Variants in RALGPS2 observed in about 807,000 individuals in gnomAD.
The protein encoded by RALGPS2 is ras-specific guanine nucleotide-releasing factor RalGPS2.
RALGPS2 carries 43 observed loss-of-function variants against 86.8 expected under a neutral mutation model. The ratio of observed to expected loss-of-function variants is 0.50; its 90% CI spans 0.39 to 0.64. The LOEUF (loss-of-function observed/expected upper bound fraction) is 0.64, where lower values mean the gene tolerates loss of function less well. Among genes scored for constraint, RALGPS2 ranks in the 30% least tolerant of loss-of-function variants. The probability of loss-of-function intolerance (pLI) is 0.00; values close to 1 mark genes in which losing one functional copy is unlikely to be tolerated. For synonymous variants in RALGPS2, 243 were observed against 231.3 expected (o/e 1.05, Z -0.46); for missense variants, 536 against 694.6 (o/e 0.77, Z 2.57).
intron 8 of RALGPS2, among the ~76,000 whole-genome samples, chr1:178,852,380 T>C (rs1324828118): frequency 6.6e-6 from 1 of 152,216 alleles, no homozygotes; most frequent in Non-Finnish European, 1.5e-5. Context: ...TGGCACGTGG[T>C]AGGTGTTCAG....
intron 4 of RALGPS2, among the ~76,000 whole-genome samples, chr1:178,793,893 T>G (rs1376004649): frequency 1.3e-5 from 2 of 152,152 alleles, no homozygotes; most frequent in East Asian, 3.9e-4. Flanking sequence ...TTAGGCTATA[T>G]TTTCAGGTTT....
chr1:178,827,814 T>C (rs1379153528), intron 7 of RALGPS2, among the ~76,000 whole-genome samples: 1 of 152,106 alleles, frequency 6.6e-6, no homozygotes, highest in African/African-American at 2.4e-5. Flanking sequence ...AATACACACA[T>C]TTACAGTCAA....
chr1:178,758,362 T>G (rs1004717785), intron 1 of RALGPS2, among the ~76,000 whole-genome samples: 8 of 152,172 alleles, frequency 5.3e-5, no homozygotes, highest in African/African-American at 2.4e-5. Flanking sequence ...AAATGGGTTA[T>G]TCATCCCCTC....
intron 2 of RALGPS2, among the ~76,000 whole-genome samples, chr1:178,783,092 C>A (rs1399382131): frequency 6.6e-6 from 1 of 152,006 alleles, no homozygotes; most frequent in African/African-American, 2.4e-5. Flanking sequence ...ATGCCAAAGT[C>A]TCTAATGAAA....
At chr1:178,831,523 T>C (rs1054146633) in intron 7 of RALGPS2, among the ~76,000 whole-genome samples, 9 of 152,116 alleles carry the variant, frequency 5.9e-5, no homozygotes, top group African/African-American at 1.7e-4. Context: ...GTCTCCTCTT[T>C]CATTAATATC....
In RALGPS2 at chr1:178,906,627, A is replaced by G. The variant is rs1660399289; in HGVS notation, c.1631-149A>G. 6.6e-6 allele frequency: 4 copies of G among 606,650 alleles called. No homozygotes were observed. The South Asian group carries it at 7.3e-5, about 11-fold the overall frequency. 37.6% of individuals were successfully genotyped at this position (606,650 alleles called of 1,614,324 possible). ...TTTATTGTATTGGAAATACAATAAA[A>G]ATAGGAAATACAATAAAATGGAGGT... On this transcript the variant is annotated intron_variant, in intron 18 of 19. Coordinates refer to ENST00000367635, the MANE Select transcript of RALGPS2 (RefSeq NM_152663.5).
intron 8 of RALGPS2, among the ~76,000 whole-genome samples, chr1:178,872,072 A>C (rs534360318): frequency 1.3e-5 from 2 of 152,336 alleles, no homozygotes; most frequent in Admixed American, 1.3e-4. Context: ...ATGCCAAAGC[A>C]TTATGCCACA....
chr1:178,883,921 A>C (rs779136527), intron 11 of RALGPS2, among the ~76,000 whole-genome samples: 80 of 152,080 alleles, frequency 5.3e-4, no homozygotes, highest in Non-Finnish European at 9.3e-4. Flanking sequence ...CCCGGGAGGC[A>C]GAGCTTGCAA....
At chr1:178,762,736 T>C (rs1652313627) in intron 1 of RALGPS2, among the ~76,000 whole-genome samples, 2 of 152,248 alleles carry the variant, frequency 1.3e-5, no homozygotes, top group South Asian at 4.1e-4. Context: ...TCCTTATAGA[T>C]CCTGGATATT....
intron 8 of RALGPS2, among the ~76,000 whole-genome samples, chr1:178,840,383 A>G (rs2102266303): frequency 6.6e-6 from 1 of 152,328 alleles, no homozygotes; most frequent in Non-Finnish European, 1.5e-5. Context: ...AAACTGAACA[A>G]CCTGCTCCTG....
At chr1:178,773,171 A>T (rs1003656279) in intron 1 of RALGPS2, among the ~76,000 whole-genome samples, 1 of 152,178 alleles carries the variant, frequency 6.6e-6, no homozygotes, top group African/African-American at 2.4e-5. Flanking sequence ...TGTAATAGTG[A>T]TACCCTGTCT....
chr1:178,851,055 A>G, intron 8 of RALGPS2: 3 of 1,389,914 alleles, frequency 2.2e-6, no homozygotes, highest in Non-Finnish European at 1.9e-6. Context: ...CAAGTAATAT[A>G]CATGTAACAT....
chr1:178,744,659 C>CAA (rs996351534), intron 1 of RALGPS2, among the ~76,000 whole-genome samples: 2 of 150,908 alleles, frequency 1.3e-5, no homozygotes, highest in African/African-American at 4.9e-5. Context: ...ACTAATAATA[C>CAA]AAAAAAAATT....
chr1:178,810,931 T>C (rs984212647), intron 5 of RALGPS2, among the ~76,000 whole-genome samples: 2 of 152,084 alleles, frequency 1.3e-5, no homozygotes, highest in Admixed American at 1.3e-4. Flanking sequence ...GAGTAGAGCA[T>C]TATCATATTA....
intron 8 of RALGPS2, among the ~76,000 whole-genome samples, chr1:178,836,093 G>A (rs1039006377): frequency 4.6e-5 from 7 of 152,104 alleles, no homozygotes; most frequent in South Asian, 2.1e-4. Context: ...AGCTGTGTAC[G>A]TCTGTATATG....
rs1051244781 is a variant in RALGPS2, at chr1:178,761,118, G to C, written c.-83-15564G>C. On this transcript the variant is annotated intron_variant, in intron 1 of 19. Transcript: ENST00000367635. ...GCCTCCCAGGTAGCTGACATTACAG[G>C]TATGTGCCACCATGCCTGGCTAATT... is the stretch of plus-strand genomic sequence containing the variant. Among the ~76,000 whole-genome samples, 8 of 152,012 alleles carry C rather than the reference G, an allele frequency of 5.3e-5. No homozygotes were observed. The East Asian group carries it at 1.4e-3, about 26-fold the overall frequency.
chr1:178,796,880 T>G (rs1001985832), intron 4 of RALGPS2, among the ~76,000 whole-genome samples: 1 of 152,196 alleles, frequency 6.6e-6, no homozygotes, highest in Non-Finnish European at 1.5e-5. Context: ...TGAATATTCT[T>G]TCAAATACAC....
intron 14 of RALGPS2, among the ~76,000 whole-genome samples, chr1:178,891,443 G>C (rs1344079399): frequency 1.3e-5 from 2 of 151,946 alleles, no homozygotes. Context: ...TTATTTTCTA[G>C]ACAGAAATCA....
At chr1:178,910,732 G>GT (rs1412046117) in intron 19 of RALGPS2, among the ~76,000 whole-genome samples, 9 of 152,044 alleles carry the variant, frequency 5.9e-5, no homozygotes, top group African/African-American at 2.2e-4. Context: ...TTTTTTCATT[G>GT]TATCTCTGCT....
Sources: allele counts gnomAD v4.1 joint callset (sites outside exome capture counted in the v4.1 genomes callset), GRCh38; gene constraint gnomAD v4.1.1; transcripts MANE v1.5; gene names NCBI Gene and HGNC (gene_info 2026-07-23, HGNC 2026-07-21).